Variants in PDE11A observed in about 807,000 individuals in gnomAD.
PDE11A encodes the protein phosphodiesterase 11A.
In PDE11A, 100 loss-of-function variants were observed where a neutral mutation model predicts 100.5. That is an observed-to-expected ratio of 1.00 (90% CI 0.85 to 1.18). The LOEUF (loss-of-function observed/expected upper bound fraction) is 1.18. PDE11A is among the 50% of genes most tolerant of loss of function. The probability of loss-of-function intolerance (pLI) is 0.00; values close to 1 mark genes in which losing one functional copy is unlikely to be tolerated. For synonymous variants in PDE11A, 381 were observed against 420.8 expected (o/e 0.91, Z 1.16); for missense variants, 1,141 against 1,152.6 (o/e 0.99, Z 0.15).
chr2:177,943,042 A>G (rs539458928), intron 2 of PDE11A, among the ~76,000 whole-genome samples: 1 of 152,362 alleles, frequency 6.6e-6, no homozygotes, highest in South Asian at 2.1e-4. Context: ...AGCATGTAAC[A>G]GGATTTCTTC....
At chr2:177,946,051 T>TGGG (rs745374718) in intron 2 of PDE11A, among the ~76,000 whole-genome samples, 1 of 69,994 alleles carries the variant, frequency 1.4e-5, no homozygotes, top group Non-Finnish European at 2.9e-5. Flanking sequence ...GGGAGGGAGG[T>TGGG]GGGGGGGTCA....
At chr2:177,631,495 AAAAAAAAAAAAAAAAAAATAT>A (rs2079925954) in intron 19 of PDE11A, among the ~76,000 whole-genome samples, 1 of 26,720 alleles carries the variant, frequency 3.7e-5, no homozygotes, top group Non-Finnish European at 7.3e-5. Context: ...AAAAAAAAAA[AAAAAAAAAAAAAAAAAAATAT>A]ATATATATAT....
intron 2 of PDE11A, among the ~76,000 whole-genome samples, chr2:177,925,064 A>C (rs1275373391): frequency 3.3e-5 from 5 of 150,372 alleles, no homozygotes; most frequent in East Asian, 2.0e-4. Context: ...TGAACTCATC[A>C]TTTTTTATGG....
At chr2:177,982,366 GC>G (rs1333128809) in intron 2 of PDE11A, among the ~76,000 whole-genome samples, 1 of 150,160 alleles carries the variant, frequency 6.7e-6, no homozygotes, top group Non-Finnish European at 1.5e-5. Flanking sequence ...ATATATTTTT[GC>G]CCCAAACTGC....
chr2:177,781,698 C>T (rs548850509), intron 9 of PDE11A, among the ~76,000 whole-genome samples: 17 of 152,102 alleles, frequency 1.1e-4, no homozygotes, highest in Non-Finnish European at 1.6e-4. Context: ...GAAGGGGTTT[C>T]GCCATGTTGG....
intron 9 of PDE11A, among the ~76,000 whole-genome samples, chr2:177,805,208 T>C (rs1275761201): frequency 6.6e-6 from 1 of 152,044 alleles, no homozygotes; most frequent in Non-Finnish European, 1.5e-5. Context: ...TATATATCCT[T>C]AAGAAGGATT....
At chr2:177,849,158 C>A (rs2083654803) in intron 5 of PDE11A, among the ~76,000 whole-genome samples, 1 of 152,288 alleles carries the variant, frequency 6.6e-6, no homozygotes, top group South Asian at 2.1e-4. Context: ...TTGAAAGAAG[C>A]TGGCACATGG....
intron 19 of PDE11A, among the ~76,000 whole-genome samples, chr2:177,635,744 T>C (rs2080029108): frequency 6.6e-6 from 1 of 152,082 alleles, no homozygotes; most frequent in African/African-American, 2.4e-5. Flanking sequence ...TGTAAGAACA[T>C]AAATATATTT....
At chr2:178,108,051 C>T (rs1228639174) in intron 1 of PDE11A, among the ~76,000 whole-genome samples, 1 of 152,130 alleles carries the variant, frequency 6.6e-6, no homozygotes, top group African/African-American at 2.4e-5. Flanking sequence ...ACTTGGCAAC[C>T]CTGTGTTGAA....
intron 1 of PDE11A, among the ~76,000 whole-genome samples, chr2:178,052,741 T>C (rs1372252021): frequency 2.6e-5 from 4 of 151,538 alleles, no homozygotes; most frequent in Non-Finnish European, 4.4e-5. Flanking sequence ...AACACCTCTA[T>C]GCAAATAAAC....
At chr2:177,760,115 G>T (rs916614774) in intron 10 of PDE11A, among the ~76,000 whole-genome samples, 1 of 152,102 alleles carries the variant, frequency 6.6e-6, no homozygotes, top group African/African-American at 2.4e-5. Flanking sequence ...AAGCAGAGGG[G>T]TTCCATTTTT....
intron 4 of PDE11A, among the ~76,000 whole-genome samples, chr2:177,890,634 T>A (rs1176348755): frequency 6.6e-6 from 1 of 152,166 alleles, no homozygotes; most frequent in African/African-American, 2.4e-5. Context: ...TCCAGATTGG[T>A]CTTTAATTGC....
chr2:177,852,609 TC>T (rs2083733788), intron 5 of PDE11A, among the ~76,000 whole-genome samples: 1 of 152,138 alleles, frequency 6.6e-6, no homozygotes, highest in Admixed American at 6.5e-5. Context: ...CCAGTGGGAC[TC>T]AAAGCTAGGA....
intron 1 of PDE11A, among the ~76,000 whole-genome samples, chr2:178,036,440 T>TA (rs1277574644): frequency 2.0e-5 from 3 of 152,286 alleles, no homozygotes; most frequent in African/African-American, 7.2e-5. Context: ...AAAATGGTCA[T>TA]ACTGCCCAAA....
intron 2 of PDE11A, among the ~76,000 whole-genome samples, chr2:178,097,794 G>A (rs756457168): frequency 2.6e-5 from 4 of 152,190 alleles, no homozygotes; most frequent in Admixed American, 1.3e-4. Flanking sequence ...TCAAATGACA[G>A]ATACAGAAGA....
At chr2:177,968,823 G>A (rs1203335060) in intron 2 of PDE11A, among the ~76,000 whole-genome samples, 1 of 152,214 alleles carries the variant, frequency 6.6e-6, no homozygotes, top group Non-Finnish European at 1.5e-5. Flanking sequence ...GTTGGTGGGA[G>A]GGTAAATTAG....
chr2:177,857,828 A>T (rs1259210747), intron 5 of PDE11A, among the ~76,000 whole-genome samples: 2 of 152,082 alleles, frequency 1.3e-5, no homozygotes, highest in African/African-American at 2.4e-5. Flanking sequence ...GGGTTAAAAT[A>T]AAAAAATGGA....
chr2:178,002,827 G>T (rs2086161532), intron 2 of PDE11A, among the ~76,000 whole-genome samples: 1 of 152,090 alleles, frequency 6.6e-6, no homozygotes, highest in Non-Finnish European at 1.5e-5. Flanking sequence ...GCTGATAAAA[G>T]TTTAGTGAGT....
chr2:177,797,551 T>G lies in PDE11A; in HGVS notation c.1737+19278A>C, dbSNP rs908705628. ...AATAACATAGCAAAAGCAGAAGAAA[T>G]AAGAAGAATGTAAGGTAATGAAAGA... is the stretch of plus-strand genomic sequence containing the variant. On this transcript the variant is annotated intron_variant, in intron 9 of 19. Transcript: ENST00000286063. Among the ~76,000 whole-genome samples, 3 of 152,136 alleles carry G rather than the reference T, an allele frequency of 2.0e-5. No individual in the cohort carries two copies. The South Asian group carries it at 6.2e-4, about 32-fold the overall frequency.
Sources: allele counts gnomAD v4.1 joint callset (sites outside exome capture counted in the v4.1 genomes callset), GRCh38; gene constraint gnomAD v4.1.1; transcripts MANE v1.5; gene names NCBI Gene and HGNC (gene_info 2026-07-23, HGNC 2026-07-21).